PGM2L1: variants seen among roughly 807,000 people sequenced by gnomAD.
PGM2L1 encodes phosphoglucomutase 2 like 1.
In PGM2L1, 35 loss-of-function variants were observed where a neutral mutation model predicts 73.4. The observed-to-expected ratio is 0.48, with a 90% CI of 0.36 to 0.63. The LOEUF (loss-of-function observed/expected upper bound fraction) is 0.63, where lower values mean the gene tolerates loss of function less well. PGM2L1 is among the 30% of genes least tolerant of loss of function. PGM2L1 has a pLI of 0.00. For missense variants in PGM2L1, 570 were observed against 742.0 expected (o/e 0.77, Z 2.69); for synonymous variants, 225 against 253.8 (o/e 0.89, Z 1.08).
intron 5 of PGM2L1, among the ~76,000 whole-genome samples, chr11:74,359,857 C>T (rs533889961): frequency 1.3e-5 from 2 of 152,286 alleles, no homozygotes; most frequent in South Asian, 4.1e-4. Context: ...TACTGTTTCA[C>T]TTTTTAACCT....
intron 1 of PGM2L1, among the ~76,000 whole-genome samples, chr11:74,386,677 A>G (rs1211131706): frequency 6.6e-6 from 1 of 151,820 alleles, no homozygotes; most frequent in East Asian, 1.9e-4. Flanking sequence ...AGGTCTCCCT[A>G]TTTTGCCCAG....
At chr11:74,380,508 A>G (rs921791084) in intron 1 of PGM2L1, among the ~76,000 whole-genome samples, 2 of 152,158 alleles carry the variant, frequency 1.3e-5, no homozygotes, top group Non-Finnish European at 2.9e-5. Flanking sequence ...ATTTATTTGA[A>G]TAATTGCTTA....
intron 1 of PGM2L1, among the ~76,000 whole-genome samples, chr11:74,395,063 CTATAGTA>C (rs1863153365): frequency 1.3e-5 from 2 of 152,270 alleles, no homozygotes; most frequent in East Asian, 3.9e-4. Context: ...TCTAGCTTAC[CTATAGTA>C]TCAATCTACA....
rs888494822 is a variant in PGM2L1, at chr11:74,333,193, A to C, written c.*3459T>G. ...TTTTAAAATTTTTATTCCCTTAAAA[A>C]TAAAAAAAAGATTTTGAATAGAAGA... On this transcript the variant is annotated 3_prime_UTR_variant, in exon 14 of 14. Coordinates refer to ENST00000298198, the MANE Select transcript of PGM2L1 (RefSeq NM_173582.6). 1.7e-4 allele frequency: 26 copies of C among 152,134 alleles called. No individual in the cohort carries two copies. The highest frequency in any genetic ancestry group is 5.8e-4 in the African/African-American group (24 of 41,426). The allele number at this position is 152,134 out of a possible 1,614,324, so 9.4% of individuals were successfully genotyped here. A position where few individuals can be genotyped will look rare whatever the true frequency, so the allele number is the denominator to read the frequency against.
chr11:74,393,997 G>A (rs922696230), intron 1 of PGM2L1, among the ~76,000 whole-genome samples: 6 of 152,202 alleles, frequency 3.9e-5, no homozygotes, highest in African/African-American at 9.7e-5. Context: ...AAACTAGGAA[G>A]GAGGTGAGTG....
chr11:74,345,642 A>G lies in PGM2L1; in HGVS notation c.1045T>C (p.Trp349Arg). The G allele has an allele frequency of 6.2e-7, 1 of 1,613,528 alleles. No homozygotes were observed. The highest frequency in any genetic ancestry group is 8.5e-7 in the Non-Finnish European group (1 of 1,179,640). ...AAAELQENGC[W>R]KVFTGNELAA... is the part of the protein sequence containing the mutation. ...AACTCATTCCCTGTGAAAACTTTCCAACAACCACTGTAGAGAGAAGGAAAA... is the reference window on the plus strand; with the variant it reads ...AACTCATTCCCTGTGAAAACTTTCCGACAACCACTGTAGAGAGAAGGAAAA... The change falls in exon 9 of 14, where the codon TGG becomes CGG. Residue 349 changes from tryptophan (W) to arginine (R), a missense_variant. Physicochemically the swap from Trp to Arg is moderately radical, Grantham distance 101. Coordinates refer to ENST00000298198, the MANE Select transcript of PGM2L1 (RefSeq NM_173582.6).
chr11:74,398,104 T>C lies in PGM2L1; in HGVS notation c.58A>G (p.Thr20Ala). 1 of 1,612,566 alleles carries C rather than the reference T, an allele frequency of 6.2e-7. No individual in the cohort carries two copies. Among genetic ancestry groups the C allele is most frequent in the East Asian group, 2.2e-5 (1 of 44,752 alleles). The part of the protein sequence containing the change: ...NSNLLHAPYH[T>A]GDPQLDTAIG... ...GCCGTGTCCAGCTGAGGGTCCCCGG[T>C]GTGGTAGGGGGCGTGGAGCAGGTTG... is the stretch of plus-strand genomic sequence containing the variant. Residue 20 changes from threonine (T) to alanine (A), a missense_variant, in exon 1 of 14, where the codon ACC becomes GCC. By Grantham distance (58) the Thr-to-Ala change is moderately conservative. Transcript: ENST00000298198.
At chr11:74,368,464 A>C in intron 5 of PGM2L1, 28 bp downstream of exon 5, 1 of 1,554,436 alleles carries the variant, frequency 6.4e-7, no homozygotes, top group Non-Finnish European at 8.9e-7. Context: ...ACTATAAGAT[A>C]AGCAAAGGTC....
chr11:74,335,875 T>C lies in PGM2L1; in HGVS notation c.*777A>G, dbSNP rs1862087720. On this transcript the variant is annotated 3_prime_UTR_variant, in exon 14 of 14. Transcript: ENST00000298198. Reference sequence around the variant, plus strand: ...TTTTGGAAGATTTTCCTTAGCTATCTGCAAATTGACTGATTAAATTATGGT... The same window carrying C: ...TTTTGGAAGATTTTCCTTAGCTATCCGCAAATTGACTGATTAAATTATGGT... 1 of 152,658 alleles carries C rather than the reference T, an allele frequency of 6.6e-6. No homozygotes were observed. 9.5% of individuals were successfully genotyped at this position (152,658 alleles called of 1,614,324 possible). A position where few individuals can be genotyped will look rare whatever the true frequency, so the allele number is the denominator to read the frequency against.
At chr11:74,374,376 C>G (rs1286424981) in intron 2 of PGM2L1, 39 bp downstream of exon 2, 2 of 1,482,132 alleles carry the variant, frequency 1.3e-6, no homozygotes, top group Non-Finnish European at 1.8e-6. Context: ...GCCACCATGT[C>G]CAGTCAAAAG....
In PGM2L1 at chr11:74,386,959, T is replaced by C. The variant is rs546986593; in HGVS notation, c.111+11092A>G. Among the ~76,000 whole-genome samples, 22 of 152,308 alleles carry C rather than the reference T, an allele frequency of 1.4e-4. No individual in the cohort carries two copies. The South Asian group carries it at 3.1e-3, about 22-fold the overall frequency. Reference sequence around the variant, plus strand: ...ATTATAATTTCTTTCTTTTAAAAGATGTGATTCAAAGTTAGCAAAATATAT... The same window carrying C: ...ATTATAATTTCTTTCTTTTAAAAGACGTGATTCAAAGTTAGCAAAATATAT... On this transcript the variant is annotated intron_variant, in intron 1 of 13. Transcript: ENST00000298198.
intron 9 of PGM2L1, among the ~76,000 whole-genome samples, chr11:74,343,978 T>C (rs1862224623): frequency 1.3e-5 from 2 of 151,956 alleles, no homozygotes; most frequent in South Asian, 2.1e-4. Context: ...GGTTTCACCA[T>C]GTTGGTCAGG....
intron 1 of PGM2L1, among the ~76,000 whole-genome samples, chr11:74,375,617 T>C (rs1044007084): frequency 2.6e-5 from 4 of 152,178 alleles, no homozygotes; most frequent in Admixed American, 6.5e-5. Context: ...TACAGTATAT[T>C]TGTCCTTAGA....
rs1459304048 is a variant in PGM2L1 at position 74,333,998 on chromosome 11, C to A, written c.*2654G>T. ...CAGCTTGGGCTATCACTGAATTTATCCTGTTAGGCAAATGTGCACCTACTA... is the reference window on the plus strand; with the variant it reads ...CAGCTTGGGCTATCACTGAATTTATACTGTTAGGCAAATGTGCACCTACTA... On this transcript the variant is annotated 3_prime_UTR_variant, in exon 14 of 14. Transcript: ENST00000298198. The A allele has an allele frequency of 1.3e-5, 2 of 152,204 alleles. No homozygotes were observed. The highest frequency in any genetic ancestry group is 4.8e-5 in the African/African-American group (2 of 41,454). 9.4% of individuals were successfully genotyped at this position (152,204 alleles called of 1,614,324 possible).
At chr11:74,391,942 T>A (rs1863108736) in intron 1 of PGM2L1, among the ~76,000 whole-genome samples, 1 of 152,238 alleles carries the variant, frequency 6.6e-6, no homozygotes, top group Admixed American at 6.5e-5. Flanking sequence ...TCCTGCAAAC[T>A]TTGCTAGCAT....
At chr11:74,362,955 G>A (rs534602276) in intron 5 of PGM2L1, among the ~76,000 whole-genome samples, 174 of 152,200 alleles carry the variant, frequency 1.1e-3, no homozygotes, top group African/African-American at 3.9e-3. Flanking sequence ...GCACCACATT[G>A]CACTTGTTCC....
At chr11:74,363,966 T>C (rs545358910) in intron 5 of PGM2L1, among the ~76,000 whole-genome samples, 3 of 152,260 alleles carry the variant, frequency 2.0e-5, no homozygotes, top group African/African-American at 7.2e-5. Context: ...AAATCCTCAA[T>C]AAAATACTGG....
At chr11:74,336,965 A>C (rs939397592) in intron 13 of PGM2L1, among the ~76,000 whole-genome samples, 1 of 152,196 alleles carries the variant, frequency 6.6e-6, no homozygotes, top group African/African-American at 2.4e-5. Flanking sequence ...GAACTGCATT[A>C]ATAGGAGTTC....
rs373245647 is a variant in PGM2L1, at chr11:74,371,812, C to T, written c.285G>A (p.Met95Ile). The T allele has an allele frequency of 1.2e-6, 2 of 1,611,286 alleles. No individual in the cohort carries two copies. The highest frequency in any genetic ancestry group is 1.7e-6 in the Non-Finnish European group (2 of 1,177,522). The change falls in exon 3 of 14, where the codon ATG becomes ATA. Residue 95 changes from methionine to isoleucine, a missense_variant. By Grantham distance (10) the Met-to-Ile change is conservative. Transcript: ENST00000298198. Reference sequence around the variant, plus strand: ...AGAAACATCTCTCAAGGTATTTGTACATCCCCTGAAGCAAATAAACACAAA... The same window carrying T: ...AGAAACATCTCTCAAGGTATTTGTATATCCCCTGAAGCAAATAAACACAAA... ...DLTVIQSTQG[M>I]YKYLERCFSD... is the part of the protein sequence containing the mutation.
Sources: gnomAD v4.1 joint callset for allele counts (sites outside exome capture counted in the v4.1 genomes callset) on GRCh38, gnomAD v4.1.1 for gene constraint, MANE v1.5 for transcripts, NCBI Gene and HGNC (gene_info 2026-07-23, HGNC 2026-07-21) for gene names.